The following DEK variants were observed in gnomAD, a reference collection of about 807,000 sequenced individuals.
DEK encodes the protein DEK proto-oncogene.
DEK carries 28 observed loss-of-function variants against 46.8 expected under a neutral mutation model. That is an observed-to-expected ratio of 0.60 (90% confidence interval 0.44 to 0.82). The LOEUF (loss-of-function observed/expected upper bound fraction) is 0.82, where lower values mean the gene tolerates loss of function less well. Among genes scored for constraint, DEK ranks in the 40% least tolerant of loss-of-function variants. DEK has a pLI of 0.00. For missense variants in DEK, 416 were observed against 430.6 expected, an observed-to-expected ratio of 0.97 and a Z score of 0.30; for synonymous variants, 160 against 144.5, an observed-to-expected ratio of 1.11 and a Z score of -0.77.
chr6:18,255,915 A>G, intron 5 of DEK, 64 bp from the exon 6 acceptor site: 6 of 1,523,062 alleles, frequency 3.9e-6, no homozygotes, highest in Non-Finnish European at 5.2e-6. Context: ...GTTCTCCACA[A>G]TATAAAGGGA....
chr6:18,257,299 T>C (rs1359440856), intron 4 of DEK, among the ~76,000 whole-genome samples: 2 of 152,188 alleles, frequency 1.3e-5, no homozygotes, highest in African/African-American at 4.8e-5. Context: ...ATTCTGAATG[T>C]CGAGAAAATC....
rs989999417 is a variant in DEK, at chr6:18,256,065, G to A, written c.453-214C>T. ...TGCAATGGCCCAATCTTGGCTCACC[G>A]CAACCTCCACCTCCCAGGTTCAAGC... On this transcript the variant is annotated intron_variant, in intron 5 of 10. Coordinates refer to ENST00000652689, the MANE Select transcript of DEK (RefSeq NM_003472.4). 4.6e-5 allele frequency among the ~76,000 whole-genome samples: 7 copies of A among 151,172 alleles called. No individual in the cohort carries two copies. The East Asian group carries it at 5.8e-4, about 13-fold the overall frequency.
intron 2 of DEK, among the ~76,000 whole-genome samples, chr6:18,263,610 C>G (rs1322496154): frequency 4.6e-5 from 7 of 152,168 alleles, no homozygotes; most frequent in Non-Finnish European, 8.8e-5. Context: ...GTCGGCTGCA[C>G]TCCAATACAT....
chr6:18,247,104 A>C (rs1791153844), intron 7 of DEK, among the ~76,000 whole-genome samples: 1 of 152,212 alleles, frequency 6.6e-6, no homozygotes, highest in Non-Finnish European at 1.5e-5. Context: ...TTTAGAACTG[A>C]GTCTTCATAA....
intron 6 of DEK, among the ~76,000 whole-genome samples, chr6:18,255,336 C>T: frequency 6.6e-6 from 1 of 152,180 alleles, no homozygotes; most frequent in African/African-American, 2.4e-5. Context: ...AGGAAAACAT[C>T]CAGTTCTAAT....
chr6:18,254,332 AAAC>A (rs1207103916), intron 6 of DEK, among the ~76,000 whole-genome samples: 15 of 152,280 alleles, frequency 9.9e-5, no homozygotes, highest in African/African-American at 3.1e-4. Flanking sequence ...ATCTGTCTCA[AAAC>A]AACAGTAACA....
intron 9 of DEK, among the ~76,000 whole-genome samples, chr6:18,236,063 A>T (rs1406126601): frequency 6.6e-6 from 1 of 152,216 alleles, no homozygotes; most frequent in Non-Finnish European, 1.5e-5. Context: ...TTAAGAACCT[A>T]ATCTATAACA....
chr6:18,263,718 C>G, intron 2 of DEK, 125 bp downstream of exon 2: 1 of 1,584,890 alleles, frequency 6.3e-7, no homozygotes. Context: ...CACACATTCT[C>G]GCTGAAAATC....
intron 6 of DEK, 143 bp downstream of exon 6, chr6:18,255,587 CT>C: frequency 2.1e-6 from 2 of 959,422 alleles, no homozygotes; most frequent in Non-Finnish European, 2.9e-6. Context: ...CAGGAAATTA[CT>C]GCAGATACGT....
intron 9 of DEK, among the ~76,000 whole-genome samples, chr6:18,234,732 C>G (rs570392569): frequency 6.6e-6 from 1 of 152,282 alleles, no homozygotes; most frequent in African/African-American, 2.4e-5. Context: ...TTCACCTCTC[C>G]TGTAACTTCT....
chr6:18,258,540 A>T (rs566860355), intron 2 of DEK, 135 bp from the exon 3 acceptor site: 1 of 594,412 alleles, frequency 1.7e-6, no homozygotes, highest in South Asian at 3.0e-5. Flanking sequence ...TGGAAAGCAA[A>T]TGACATAAAA....
In DEK at chr6:18,233,665, T is replaced by C. The variant is rs990194080; in HGVS notation, c.1047+2787A>G. On this transcript the variant is annotated intron_variant, in intron 9 of 10. Coordinates refer to ENST00000652689, the MANE Select transcript of DEK (RefSeq NM_003472.4). ...CAAGGAGATACCATGTCACACCAGTTAGAATGGAGATCATCAAAAAGTCAG... is the reference window on the plus strand; with the variant it reads ...CAAGGAGATACCATGTCACACCAGTCAGAATGGAGATCATCAAAAAGTCAG... Among the ~76,000 whole-genome samples the C allele has an allele frequency of 4.6e-5, 7 of 152,160 alleles. No homozygotes were observed. The East Asian group carries it at 1.2e-3, about 25-fold the overall frequency.
In DEK at chr6:18,238,598, G is replaced by T. The variant is rs562678516; in HGVS notation, c.763-1082C>A. On this transcript the variant is annotated intron_variant, in intron 7 of 10. Coordinates refer to ENST00000652689, the MANE Select transcript of DEK (RefSeq NM_003472.4). ...TGTAGTCTCAGCTACTCAGGAGGCT[G>T]AGGCAAGAGAATTGCTTGAACCCTG... Among the ~76,000 whole-genome samples the T allele has an allele frequency of 2.0e-4, 31 of 151,380 alleles. 1 individual carries two copies. The highest frequency in any genetic ancestry group is 7.5e-4 in the African/African-American group (31 of 41,298).
rs571398862 is a variant in DEK, at chr6:18,227,224, G to A, written c.1048-982C>T. Among the ~76,000 whole-genome samples the A allele has an allele frequency of 2.6e-5, 4 of 152,262 alleles. No individual in the cohort carries two copies. In the South Asian group the frequency reaches 8.3e-4, roughly 32 times the overall value. ...ACGCCTCTTTGCAGTTGAGACAAGA[G>A]GAAGGCATCTGTCTCCTGCCTGTCC... On this transcript the variant is annotated intron_variant, in intron 9 of 10. Coordinates refer to ENST00000652689, the MANE Select transcript of DEK (RefSeq NM_003472.4).
chr6:18,248,383 C>A (rs1420260724), intron 7 of DEK, among the ~76,000 whole-genome samples: 1 of 152,152 alleles, frequency 6.6e-6, no homozygotes, highest in Non-Finnish European at 1.5e-5. Flanking sequence ...ACAGTAGACA[C>A]CAAATATTTC....
intron 2 of DEK, among the ~76,000 whole-genome samples, chr6:18,262,646 G>A (rs992690617): frequency 2.5e-4 from 38 of 152,080 alleles, no homozygotes; most frequent in African/African-American, 7.5e-4. Flanking sequence ...CATTTCTTTG[G>A]CATCTCAACC....
chr6:18,231,220 T>A (rs1198979333), intron 9 of DEK, among the ~76,000 whole-genome samples: 1 of 152,128 alleles, frequency 6.6e-6, no homozygotes, highest in Non-Finnish European at 1.5e-5. Context: ...TTTAAAGCAG[T>A]GTGTAGAGGG....
At chr6:18,258,108 T>C (rs757931868) in intron 3 of DEK, 46 bp from the exon 4 acceptor site, 89 of 1,343,926 alleles carry the variant, frequency 6.6e-5, no homozygotes, top group Middle Eastern at 5.8e-4. Flanking sequence ...GGCTTACTAA[T>C]ACATTTACAA....
chr6:18,251,675 T>C (rs1791379738), intron 6 of DEK, among the ~76,000 whole-genome samples: 2 of 152,196 alleles, frequency 1.3e-5, no homozygotes, highest in Admixed American at 1.3e-4. Flanking sequence ...GTGGATAAAT[T>C]CTTTGATAGC....
Sources: gnomAD v4.1 joint callset for allele counts (sites outside exome capture counted in the v4.1 genomes callset) on GRCh38, gnomAD v4.1.1 for gene constraint, MANE v1.5 for transcripts, NCBI Gene and HGNC (gene_info 2026-07-23, HGNC 2026-07-21) for gene names.